Variants in MAPKAPK2 observed in about 807,000 individuals in gnomAD.
The protein encoded by MAPKAPK2 is MAP kinase-activated protein kinase 2.
Under a neutral mutation model 48.8 loss-of-function variants are expected in MAPKAPK2, and 9 were observed. That is an observed-to-expected ratio of 0.18 (90% confidence interval 0.11 to 0.32). The LOEUF is 0.32. Ranked by LOEUF, MAPKAPK2 falls within the 10% of genes least tolerant of loss-of-function variation. The probability of loss-of-function intolerance (pLI) is 1.00; values close to 1 mark genes in which losing one functional copy is unlikely to be tolerated. For synonymous variants in MAPKAPK2, 202 were observed against 190.6 expected, an observed-to-expected ratio of 1.06 and a Z score of -0.49; for missense variants, 331 against 498.3, an observed-to-expected ratio of 0.66 and a Z score of 3.20.
In MAPKAPK2 at chr1:206,731,970, C is replaced by T. The variant is rs548381343; in HGVS notation, c.1059+51C>T. On this transcript the variant is annotated intron_variant, in intron 9 of 9. Coordinates refer to ENST00000367103, the MANE Select transcript of MAPKAPK2 (RefSeq NM_032960.4). This position sits in a 1 kb window ranked among gnomAD's most constrained non-coding sequence, Gnocchi z 5.9. ...GGCTCCAGGTGGGGTGGGCGGCTTG[C>T]GGGGAGTGCCCAGGTGTGAGGCGTG... 58 of 1,613,620 alleles carry T rather than the reference C, an allele frequency of 3.6e-5. No homozygotes were observed. The East Asian group carries it at 1.1e-3, about 30-fold the overall frequency.
intron 1 of MAPKAPK2, among the ~76,000 whole-genome samples, chr1:206,698,517 C>G (rs1316527319): frequency 2.0e-5 from 3 of 152,188 alleles, no homozygotes; most frequent in African/African-American, 7.2e-5. Flanking sequence ...GACTTTGATA[C>G]AATATAACAA....
At chr1:206,710,407 C>G (rs781889488) in intron 1 of MAPKAPK2, among the ~76,000 whole-genome samples, 1 of 152,154 alleles carries the variant, frequency 6.6e-6, no homozygotes, top group Admixed American at 6.5e-5. Context: ...GTGAGAAACT[C>G]GTGACATTTT....
chr1:206,708,453 A>G (rs1320807101), intron 1 of MAPKAPK2, among the ~76,000 whole-genome samples: 2 of 152,192 alleles, frequency 1.3e-5, no homozygotes, highest in African/African-American at 4.8e-5. Flanking sequence ...TGTTTACTTT[A>G]TCATGTCTCT....
At chr1:206,715,563 C>G (rs1553430212) in intron 1 of MAPKAPK2, among the ~76,000 whole-genome samples, 1 of 151,128 alleles carries the variant, frequency 6.6e-6, no homozygotes, top group African/African-American at 2.4e-5. Flanking sequence ...CTTTTGGGAT[C>G]TCTGCCCATC....
At chr1:206,714,046 T>G (rs911964349) in intron 1 of MAPKAPK2, among the ~76,000 whole-genome samples, 1 of 152,112 alleles carries the variant, frequency 6.6e-6, no homozygotes, top group Non-Finnish European at 1.5e-5. Flanking sequence ...CCTGGCTAGA[T>G]AGTGATGTCA....
At chr1:206,708,242 C>T (rs943513166) in intron 1 of MAPKAPK2, among the ~76,000 whole-genome samples, 1 of 152,232 alleles carries the variant, frequency 6.6e-6, no homozygotes. Flanking sequence ...AACCAGCCCT[C>T]TTCTTCCCCT....
intron 1 of MAPKAPK2, among the ~76,000 whole-genome samples, chr1:206,715,784 G>A (rs1356599617): frequency 4.0e-5 from 6 of 151,352 alleles, no homozygotes; most frequent in African/African-American, 1.5e-4. Context: ...GTGCCACCAT[G>A]CCCTGCTAAT....
intron 1 of MAPKAPK2, among the ~76,000 whole-genome samples, chr1:206,725,541 C>T (rs1166300310): frequency 6.6e-6 from 1 of 152,130 alleles, no homozygotes; most frequent in Non-Finnish European, 1.5e-5. Context: ...CATAATGTTT[C>T]TATGAGGGGG....
rs1288881380 is a variant in MAPKAPK2 at position 206,733,831 on chromosome 1, C to G, written c.*1113C>G. Reference sequence around the variant, plus strand: ...GTTCTGGGGCATCAGCCAGCTACCCCTTGTGGGCAAAGGCAGGGCCACTTT... The same window carrying G: ...GTTCTGGGGCATCAGCCAGCTACCCGTTGTGGGCAAAGGCAGGGCCACTTT... On this transcript the variant is annotated 3_prime_UTR_variant, in exon 10 of 10. Coordinates refer to ENST00000367103, the MANE Select transcript of MAPKAPK2 (RefSeq NM_032960.4). The G allele has an allele frequency of 5.9e-5, 9 of 152,894 alleles. No individual in the cohort carries two copies. Among genetic ancestry groups the G allele is most frequent in the African/African-American group, 2.2e-4 (9 of 41,472 alleles). 9.5% of individuals were successfully genotyped at this position (152,894 alleles called of 1,614,324 possible). A position where few individuals can be genotyped will look rare whatever the true frequency, so the allele number is the denominator to read the frequency against.
chr1:206,710,974 G>A (rs1295811764), intron 1 of MAPKAPK2, among the ~76,000 whole-genome samples: 3 of 152,152 alleles, frequency 2.0e-5, no homozygotes, highest in Admixed American at 6.5e-5. Context: ...TAATTTGACA[G>A]CAAGAGAGTT....
intron 1 of MAPKAPK2, among the ~76,000 whole-genome samples, chr1:206,715,368 G>A (rs1298699458): frequency 2.0e-5 from 3 of 152,054 alleles, no homozygotes; most frequent in Non-Finnish European, 2.9e-5. Context: ...ACTCCCTTCG[G>A]GCCTGTCCTG....
At chr1:206,727,403 A>G (rs1673736270) in intron 1 of MAPKAPK2, among the ~76,000 whole-genome samples, 1 of 152,162 alleles carries the variant, frequency 6.6e-6, no homozygotes, top group African/African-American at 2.4e-5. Context: ...AAACAGTAAG[A>G]AGAGTTTATT....
rs1553433123 is a variant in MAPKAPK2, at chr1:206,733,381, G to A, written c.*663G>A. 1 of 152,596 alleles carries A rather than the reference G, an allele frequency of 6.6e-6. No individual in the cohort carries two copies. The highest frequency in any genetic ancestry group is 2.4e-5 in the African/African-American group (1 of 41,440). The allele number at this position is 152,596 out of a possible 1,614,324, so 9.5% of individuals were successfully genotyped here. On this transcript the variant is annotated 3_prime_UTR_variant, in exon 10 of 10. Coordinates refer to ENST00000367103, the MANE Select transcript of MAPKAPK2 (RefSeq NM_032960.4). Reference sequence around the variant, plus strand: ...GGGGCCAGGGGCAGGCAGGGCTGCAGAGGGAGACGGCCCTGCTGGGGCTTA... The same window carrying A: ...GGGGCCAGGGGCAGGCAGGGCTGCAAAGGGAGACGGCCCTGCTGGGGCTTA...
intron 1 of MAPKAPK2, among the ~76,000 whole-genome samples, chr1:206,719,805 A>T (rs1311100288): frequency 6.6e-6 from 1 of 152,132 alleles, no homozygotes; most frequent in East Asian, 1.9e-4. Context: ...GATGAGAAGG[A>T]TTCTCCCTTA....
Position 206,732,604 on chromosome 1 carries a change from G to T in MAPKAPK2, c.1089G>T (p.Met363Ile). Residue 363 changes from methionine to isoleucine, a missense_variant, in exon 10 of 10, where the codon ATG (methionine) becomes ATT (isoleucine). Met to Ile is a conservative substitution (Grantham distance 10). Around this residue, in one of 4 missense-constraint regions of MAPKAPK2, gnomAD observed 124 missense variants for 194.6 expected, o/e 0.64. Coordinates refer to ENST00000367103, the MANE Select transcript of MAPKAPK2 (RefSeq NM_032960.4). This position sits in a 1 kb window ranked among gnomAD's most constrained non-coding sequence, Gnocchi z 4.4. ...KEEMTSALAT[M>I]RVDYEQIKIK... is the part of the protein sequence containing the mutation. ...AGATGACCAGTGCCTTGGCCACAAT[G>T]CGCGTTGACTACGAGCAGATCAAGA... 6.2e-7 allele frequency: 1 copy of T among 1,614,060 alleles called. No homozygotes were observed. Among genetic ancestry groups the T allele is most frequent in the East Asian group, 2.2e-5 (1 of 44,890 alleles).
At position 206,731,175 on chromosome 1, in the gene MAPKAPK2, C is replaced by T; in HGVS notation, c.805C>T (p.Leu269Phe). Reference protein sequence around the residue: ...GYPPFYSNHGLAISPGMKTRI... With the variant: ...GYPPFYSNHGFAISPGMKTRI... ...TCCCCCCTTCTACTCCAACCACGGC[C>T]TTGCCATCTCTCCGGGCATGAAGAC... The change falls in exon 7 of 10, where the codon CTT becomes TTT. Residue 269 changes from leucine to phenylalanine, a missense_variant. Coordinates refer to ENST00000367103, the MANE Select transcript of MAPKAPK2 (RefSeq NM_032960.4). The surrounding 1 kb of genome is among the most constrained non-coding windows in gnomAD (Gnocchi z 5.9). 1 of 1,614,200 alleles carries T rather than the reference C, an allele frequency of 6.2e-7. No homozygotes were observed. The highest frequency in any genetic ancestry group is 1.6e-4 in the Middle Eastern group (1 of 6,062).
intron 1 of MAPKAPK2, among the ~76,000 whole-genome samples, chr1:206,700,602 G>C (rs782182841): frequency 1.3e-5 from 2 of 152,200 alleles, no homozygotes; most frequent in Non-Finnish European, 2.9e-5. Flanking sequence ...GGTCAGGTTT[G>C]ATTTTGGCCT....
chr1:206,720,158 C>T (rs1392502356), intron 1 of MAPKAPK2, among the ~76,000 whole-genome samples: 1 of 152,176 alleles, frequency 6.6e-6, no homozygotes, highest in African/African-American at 2.4e-5. Flanking sequence ...TGCTCCATGG[C>T]CATAGGGCCT....
At chr1:206,716,442 A>G (rs529660515) in intron 1 of MAPKAPK2, among the ~76,000 whole-genome samples, 22 of 151,886 alleles carry the variant, frequency 1.4e-4, no homozygotes, top group African/African-American at 4.6e-4. Flanking sequence ...CTCCTCACCC[A>G]GTTGTCTCCA....
Sources: gnomAD v4.1 joint callset for allele counts (sites outside exome capture counted in the v4.1 genomes callset) on GRCh38, gnomAD v4.1.1 for gene constraint, gnomAD v4.1.1 regional missense constraint, Gnocchi (gnomAD v3.1) non-coding constraint, MANE v1.5 for transcripts, NCBI Gene and HGNC (gene_info 2026-07-23, HGNC 2026-07-21) for gene names.